The following SCFD2 variants were observed in gnomAD, a reference collection of about 807,000 sequenced individuals.
SCFD2 encodes the protein sec1 family domain-containing protein 2.
A neutral mutation model predicts 58.9 loss-of-function variants in SCFD2; 54 were observed. The observed-to-expected ratio is 0.92, with a 90% CI of 0.74 to 1.15. The LOEUF (loss-of-function observed/expected upper bound fraction) is 1.15. SCFD2 is among the 50% of genes most tolerant of loss of function. The pLI is 0.00. For missense variants in SCFD2, 805 were observed against 836.6 expected, an observed-to-expected ratio of 0.96 and a Z score of 0.47; for synonymous variants, 321 against 335.9, an observed-to-expected ratio of 0.96 and a Z score of 0.49.
chr4:53,022,452 G>C (rs1209652035), intron 5 of SCFD2, among the ~76,000 whole-genome samples: 1 of 152,124 alleles, frequency 6.6e-6, no homozygotes, highest in African/African-American at 2.4e-5. Context: ...TTGGTTTTCT[G>C]AGAAATCTGT....
chr4:53,294,852 CAT>C (rs1731968813), intron 3 of SCFD2, among the ~76,000 whole-genome samples: 1 of 152,160 alleles, frequency 6.6e-6, no homozygotes, highest in Non-Finnish European at 1.5e-5. Context: ...CAGCTTTCTG[CAT>C]ATGGCTAGCC....
intron 8 of SCFD2, among the ~76,000 whole-genome samples, chr4:52,881,936 A>C (rs949916782): frequency 3.9e-5 from 6 of 152,160 alleles, no homozygotes; most frequent in Non-Finnish European, 5.9e-5. Flanking sequence ...CTGGAGGGGC[A>C]TATGCAAGGA....
At chr4:52,878,330 A>C (rs1349298112) in intron 8 of SCFD2, among the ~76,000 whole-genome samples, 1 of 152,216 alleles carries the variant, frequency 6.6e-6, no homozygotes, top group African/African-American at 2.4e-5. Context: ...GCTCTAGTAG[A>C]AGATGCTCAG....
chr4:53,214,009 T>C (rs1728717877), intron 4 of SCFD2, among the ~76,000 whole-genome samples: 2 of 149,936 alleles, frequency 1.3e-5, no homozygotes, highest in African/African-American at 5.1e-5. Flanking sequence ...GGCTGCATAG[T>C]ATCCCATGGT....
intron 5 of SCFD2, among the ~76,000 whole-genome samples, chr4:52,973,216 C>T (rs887555265): frequency 1.2e-4 from 18 of 152,032 alleles, no homozygotes; most frequent in African/African-American, 4.3e-4. Flanking sequence ...TCAAAAAAAT[C>T]AATGAATCCA....
chr4:53,293,675 A>G (rs1167198572), intron 3 of SCFD2, among the ~76,000 whole-genome samples: 1 of 152,162 alleles, frequency 6.6e-6, no homozygotes, highest in Non-Finnish European at 1.5e-5. Context: ...ATCATAATCA[A>G]TGGCGAACAA....
chr4:53,165,475 C>T (rs567362326), intron 4 of SCFD2, among the ~76,000 whole-genome samples: 1 of 152,266 alleles, frequency 6.6e-6, no homozygotes, highest in East Asian at 1.9e-4. Context: ...GCAATGGAAT[C>T]TCCACTCCTT....
chr4:53,343,383 C>A (rs527346898), intron 2 of SCFD2, among the ~76,000 whole-genome samples: 1 of 152,150 alleles, frequency 6.6e-6, no homozygotes, highest in Non-Finnish European at 1.5e-5. Context: ...GACACTTACA[C>A]CCTCCCAAGA....
Position 53,259,715 on chromosome 4 carries a change from C to A in SCFD2, c.1311+14111G>T, listed in dbSNP as rs375888269. ...TGGCTATGCGGGCTCTTTTTTGGTTCCATATGAATTTTAGAATTGTTTTTC... is the reference window on the plus strand; with the variant it reads ...TGGCTATGCGGGCTCTTTTTTGGTTACATATGAATTTTAGAATTGTTTTTC... On this transcript the variant is annotated intron_variant, in intron 4 of 8. Transcript: ENST00000401642. Among the ~76,000 whole-genome samples the A allele has an allele frequency of 5.3e-5, 8 of 152,070 alleles. No individual in the cohort carries two copies. The South Asian group carries it at 1.0e-3, about 20-fold the overall frequency.
intron 4 of SCFD2, among the ~76,000 whole-genome samples, chr4:53,162,997 C>T (rs1377610036): frequency 6.6e-6 from 1 of 152,088 alleles, no homozygotes; most frequent in Non-Finnish European, 1.5e-5. Flanking sequence ...TGGCTGAGGC[C>T]TCCAGCTACC....
chr4:53,022,029 T>C (rs1722361449), intron 5 of SCFD2, among the ~76,000 whole-genome samples: 1 of 152,106 alleles, frequency 6.6e-6, no homozygotes. Flanking sequence ...TAGAGCATGA[T>C]GGTAAATGCC....
chr4:52,907,910 T>A (rs1719386950), intron 6 of SCFD2, among the ~76,000 whole-genome samples: 2 of 152,224 alleles, frequency 1.3e-5, no homozygotes, highest in African/African-American at 4.8e-5. Flanking sequence ...ATTTTATGTA[T>A]ACTGAGAAAC....
intron 4 of SCFD2, among the ~76,000 whole-genome samples, chr4:53,237,916 C>T (rs1433343909): frequency 3.8e-5 from 4 of 104,142 alleles, no homozygotes; most frequent in Non-Finnish European, 6.1e-5. Context: ...CTGACCCCCC[C>T]ACCTCCCTTC....
intron 5 of SCFD2, among the ~76,000 whole-genome samples, chr4:52,953,283 A>G (rs1033702369): frequency 1.3e-5 from 2 of 152,228 alleles, no homozygotes; most frequent in Non-Finnish European, 2.9e-5. Context: ...ATGTGTAACT[A>G]GGTTAGTTTG....
intron 5 of SCFD2, among the ~76,000 whole-genome samples, chr4:53,111,768 A>G (rs555787111): frequency 6.6e-6 from 1 of 152,276 alleles, no homozygotes; most frequent in South Asian, 2.1e-4. Context: ...ATATTTCAAG[A>G]GCACTTGTGA....
chr4:53,201,290 T>C (rs1312554010), intron 4 of SCFD2, among the ~76,000 whole-genome samples: 1 of 151,972 alleles, frequency 6.6e-6, no homozygotes, highest in Non-Finnish European at 1.5e-5. Flanking sequence ...TTTTTTCTCC[T>C]TGCCATAGTT....
intron 7 of SCFD2, among the ~76,000 whole-genome samples, chr4:52,887,646 C>T (rs1022773295): frequency 2.6e-5 from 4 of 152,158 alleles, no homozygotes; most frequent in East Asian, 1.9e-4. Flanking sequence ...AAAAGTCTGC[C>T]AGCTGCCTGC....
At chr4:53,126,873 A>AG (rs1001104635) in intron 5 of SCFD2, among the ~76,000 whole-genome samples, 64 of 151,620 alleles carry the variant, frequency 4.2e-4, no homozygotes, top group Middle Eastern at 6.8e-3. Context: ...ATCAGGTTGG[A>AG]AAAAAAAACC....
chr4:52,972,278 T>C (rs577830670), intron 5 of SCFD2, among the ~76,000 whole-genome samples: 4 of 152,162 alleles, frequency 2.6e-5, no homozygotes, highest in Admixed American at 6.5e-5. Context: ...ACCCATCTCA[T>C]GTGCAGAGAC....
Sources: allele counts gnomAD v4.1 joint callset (sites outside exome capture counted in the v4.1 genomes callset), GRCh38; gene constraint gnomAD v4.1.1; transcripts MANE v1.5; gene names NCBI Gene and HGNC (gene_info 2026-07-23, HGNC 2026-07-21).